The following UBTD1 variants were observed in gnomAD, a reference collection of about 807,000 sequenced individuals.
UBTD1 encodes the protein ubiquitin domain containing 1.
UBTD1 carries 19 observed loss-of-function variants against 21.7 expected under a neutral mutation model. The ratio of observed to expected loss-of-function variants is 0.87; its 90% CI spans 0.61 to 1.28. The LOEUF (loss-of-function observed/expected upper bound fraction) is 1.28, where lower values mean the gene tolerates loss of function less well. UBTD1 is among the 50% of genes most tolerant of loss of function. UBTD1 has a pLI of 0.00. For missense variants in UBTD1, 282 were observed against 315.1 expected, an observed-to-expected ratio of 0.89 and a Z score of 0.80; for synonymous variants, 116 against 135.1, an observed-to-expected ratio of 0.86 and a Z score of 0.98.
intron 1 of UBTD1, among the ~76,000 whole-genome samples, chr10:97,514,997 G>A (rs141698166): frequency 8.5e-5 from 13 of 152,198 alleles, no homozygotes; most frequent in African/African-American, 3.1e-4. Context: ...CATAAGCAGG[G>A]TTGCAAGCTC....
At chr10:97,519,971 A>G (rs1382875219) in intron 1 of UBTD1, among the ~76,000 whole-genome samples, 1 of 152,194 alleles carries the variant, frequency 6.6e-6, no homozygotes, top group Admixed American at 6.5e-5. Context: ...GGGCAAGTGC[A>G]CTAAACACCA....
At chr10:97,541,989 G>A (rs575853843) in intron 1 of UBTD1, among the ~76,000 whole-genome samples, 1 of 152,042 alleles carries the variant, frequency 6.6e-6, no homozygotes, top group Non-Finnish European at 1.5e-5. Flanking sequence ...ACCTGCCTCG[G>A]CCTCCCAAAA....
intron 1 of UBTD1, among the ~76,000 whole-genome samples, chr10:97,528,830 T>C (rs2040508221): frequency 7.6e-6 from 1 of 130,830 alleles, no homozygotes; most frequent in Admixed American, 7.4e-5. Flanking sequence ...GCTCCTCACT[T>C]CCCAGTAGGG....
chr10:97,534,877 G>A (rs1015773809), intron 1 of UBTD1, among the ~76,000 whole-genome samples: 12 of 152,176 alleles, frequency 7.9e-5, no homozygotes, highest in Admixed American at 5.2e-4. Context: ...ATGATGTCAA[G>A]CTCTCAGTCC....
chr10:97,536,755 G>GATC (rs1435696100), intron 1 of UBTD1, among the ~76,000 whole-genome samples: 1 of 152,040 alleles, frequency 6.6e-6, no homozygotes, highest in Admixed American at 6.5e-5. Context: ...TCAAGGCCAG[G>GATC]ATCACAATGT....
At position 97,508,059 on chromosome 10, in the gene UBTD1, G is replaced by A. The variant is rs1283098315; in HGVS notation, c.70+8786G>A. Among the ~76,000 whole-genome samples, 5 of 152,206 alleles carry A rather than the reference G, an allele frequency of 3.3e-5. No homozygotes were observed. In the East Asian group the frequency reaches 9.6e-4, roughly 29 times the overall value. ...TAGCAGCAGCTCACCTTTGCAGGGT[G>A]TTTGCCATGTACTAGGAGCATCACG... On this transcript the variant is annotated intron_variant, in intron 1 of 2. Transcript: ENST00000370664.
At chr10:97,546,890 T>TCA (rs950763447) in intron 1 of UBTD1, among the ~76,000 whole-genome samples, 4 of 152,066 alleles carry the variant, frequency 2.6e-5, no homozygotes, top group African/African-American at 7.2e-5. Context: ...CACTGCCACC[T>TCA]CACACACACA....
chr10:97,545,897 A>C (rs564186815), intron 1 of UBTD1, among the ~76,000 whole-genome samples: 2 of 152,122 alleles, frequency 1.3e-5, no homozygotes, highest in Non-Finnish European at 2.9e-5. Context: ...GCTCACTGCA[A>C]CCTTAGCCCC....
At chr10:97,553,111 C>T (rs759579594) in intron 1 of UBTD1, among the ~76,000 whole-genome samples, 17 of 152,196 alleles carry the variant, frequency 1.1e-4, no homozygotes, top group Non-Finnish European at 2.1e-4. Flanking sequence ...TTTTTTGACT[C>T]CATACAGTAT....
intron 1 of UBTD1, among the ~76,000 whole-genome samples, chr10:97,565,918 T>C (rs2040715056): frequency 6.6e-6 from 1 of 152,068 alleles, no homozygotes; most frequent in South Asian, 2.1e-4. Flanking sequence ...TTTGCCATAT[T>C]GCCCAGGCTG....
chr10:97,498,948 G>T lies in UBTD1; in HGVS notation c.-256G>T, dbSNP rs966527168. On this transcript the variant is annotated 5_prime_UTR_variant, in exon 1 of 3. Transcript: ENST00000370664. ...TCTCTCCGCCCCTCCAGCGGAGCTG[G>T]TCTCCGGCCGGGCACCGTCGCGGGC... 22 of 436,962 alleles carry T rather than the reference G, an allele frequency of 5.0e-5. No homozygotes were observed. The Middle Eastern group carries it at 2.4e-3, about 47-fold the overall frequency. 27.1% of individuals were successfully genotyped at this position (436,962 alleles called of 1,614,324 possible). A position where few individuals can be genotyped will look rare whatever the true frequency, so the allele number is the denominator to read the frequency against.
intron 1 of UBTD1, among the ~76,000 whole-genome samples, chr10:97,524,344 A>G (rs11189257): frequency 0.3 from 45,907 of 151,776 alleles, 7,072 homozygotes; most frequent in Non-Finnish European, 0.32. Flanking sequence ...CAAGCAGTCC[A>G]CCCACCTCAG....
intron 1 of UBTD1, among the ~76,000 whole-genome samples, chr10:97,512,957 G>A (rs991730196): frequency 6.6e-6 from 1 of 152,216 alleles, no homozygotes; most frequent in African/African-American, 2.4e-5. Flanking sequence ...GCTGCACCTG[G>A]GGCCTCAATT....
At chr10:97,553,044 CA>C (rs1474315179) in intron 1 of UBTD1, among the ~76,000 whole-genome samples, 3 of 152,260 alleles carry the variant, frequency 2.0e-5, no homozygotes, top group Non-Finnish European at 4.4e-5. Context: ...CAGTACCTCG[CA>C]GAGGCGTGCA....
At chr10:97,523,179 G>A (rs886894164) in intron 1 of UBTD1, among the ~76,000 whole-genome samples, 3 of 152,268 alleles carry the variant, frequency 2.0e-5, no homozygotes, top group South Asian at 2.1e-4. Flanking sequence ...CCTGCCAGCC[G>A]CCCAGAACAC....
At chr10:97,553,225 G>A (rs186887770) in intron 1 of UBTD1, among the ~76,000 whole-genome samples, 1 of 152,148 alleles carries the variant, frequency 6.6e-6, no homozygotes, top group Admixed American at 6.5e-5. Flanking sequence ...TCCATCTCCC[G>A]GGTTCAGGCA....
At chr10:97,552,044 G>A (rs936962824) in intron 1 of UBTD1, among the ~76,000 whole-genome samples, 1 of 151,730 alleles carries the variant, frequency 6.6e-6, no homozygotes, top group Non-Finnish European at 1.5e-5. Context: ...CCCAAAGTGC[G>A]GGGGTTATAG....
At chr10:97,522,893 G>T (rs2040472026) in intron 1 of UBTD1, among the ~76,000 whole-genome samples, 1 of 152,162 alleles carries the variant, frequency 6.6e-6, no homozygotes, top group South Asian at 2.1e-4. Flanking sequence ...GGGCCACCCT[G>T]GCCACTCCTG....
intron 1 of UBTD1, among the ~76,000 whole-genome samples, chr10:97,519,610 G>T (rs771928254): frequency 6.6e-6 from 1 of 152,186 alleles, no homozygotes; most frequent in Non-Finnish European, 1.5e-5. Flanking sequence ...TGGGGCAAGT[G>T]TGAAATTTGA....
Sources: gnomAD v4.1 joint callset for allele counts (sites outside exome capture counted in the v4.1 genomes callset) on GRCh38, gnomAD v4.1.1 for gene constraint, MANE v1.5 for transcripts, NCBI Gene and HGNC (gene_info 2026-07-23, HGNC 2026-07-21) for gene names.